The following CUX2 variants were observed in gnomAD, a reference collection of about 807,000 sequenced individuals.
CUX2 encodes the protein homeobox protein cut-like 2.
CUX2 carries 40 observed loss-of-function variants against 144.8 expected under a neutral mutation model. The observed-to-expected ratio is 0.28, with a 90% CI of 0.21 to 0.36. The LOEUF (loss-of-function observed/expected upper bound fraction) is 0.36, where lower values mean the gene tolerates loss of function less well. Among genes scored for constraint, CUX2 ranks in the 10% least tolerant of loss-of-function variants. The pLI, the probability that CUX2 is intolerant of heterozygous loss-of-function variation, is 1.00. For missense variants in CUX2, 1,615 were observed against 1,994.0 expected (o/e 0.81, Z 3.62); for synonymous variants, 827 against 875.6 (o/e 0.94, Z 0.98).
At position 111,160,914 on chromosome 12, in the gene CUX2, G is replaced by T. The variant is rs78481377; in HGVS notation, c.64-53286G>T. On this transcript the variant is annotated intron_variant, in intron 1 of 21. Coordinates refer to ENST00000261726, the MANE Select transcript of CUX2 (RefSeq NM_015267.4). The surrounding 1 kb of genome is among the most constrained non-coding windows in gnomAD (Gnocchi z 4.1). ...CCTGCCATGGGGAAGATGCAGGGAG[G>T]AATAGCGGGAGCAGATGGGACGTGA... is the stretch of plus-strand genomic sequence containing the variant. Among the ~76,000 whole-genome samples the T allele has an allele frequency of 0.012, 1,806 of 152,272 alleles. 13 individuals are homozygous for T. The highest frequency in any genetic ancestry group is 0.018 in the Non-Finnish European group (1,220 of 68,004).
chr12:111,296,244 G>T (rs114549723), intron 7 of CUX2, among the ~76,000 whole-genome samples: 2,591 of 152,122 alleles, frequency 0.017, 51 homozygotes, highest in Middle Eastern at 0.044. Flanking sequence ...CATCTGCCCC[G>T]CACTGCCCAC....
At chr12:111,136,356 G>T (rs1008533930) in intron 1 of CUX2, among the ~76,000 whole-genome samples, 1 of 152,142 alleles carries the variant, frequency 6.6e-6, no homozygotes, top group Non-Finnish European at 1.5e-5. Flanking sequence ...TTCCTGAGAT[G>T]GTGGTGCCTG....
Position 111,277,402 on chromosome 12 carries a change from A to G in CUX2, c.301+13563A>G, listed in dbSNP as rs1884931173. ...CGGTCAGCTGCCATTTCCTTATCTG[A>G]TGCAAGCCGTTTCTCCTGGTATTTC... On this transcript the variant is annotated intron_variant, in intron 4 of 21. Transcript: ENST00000261726. This position sits in a 1 kb window ranked among gnomAD's most constrained non-coding sequence, Gnocchi z 5.0. 6.6e-6 allele frequency among the ~76,000 whole-genome samples: 1 copy of G among 151,876 alleles called. No homozygotes were observed. Among genetic ancestry groups the G allele is most frequent in the Non-Finnish European group, 1.5e-5 (1 of 67,956 alleles).
intron 1 of CUX2, among the ~76,000 whole-genome samples, chr12:111,184,573 CAAAAA>C (rs71445536): frequency 1.4e-3 from 67 of 46,914 alleles, no homozygotes; most frequent in African/African-American, 3.8e-3. Flanking sequence ...TTCTCTCTAC[CAAAAA>C]AAAAAAAAAA....
rs563958869 is a variant in CUX2, at chr12:111,223,307, A to G, written c.222+5370A>G. ...TTCTGAAATAATGTCCAGAAGCCCA[A>G]GGGAGGCCGTCGGTTCCATCCCAGA... On this transcript the variant is annotated intron_variant, in intron 3 of 21. Coordinates refer to ENST00000261726, the MANE Select transcript of CUX2 (RefSeq NM_015267.4). 1.8e-4 allele frequency among the ~76,000 whole-genome samples: 27 copies of G among 152,328 alleles called. No homozygotes were observed. In the South Asian group the frequency reaches 5.0e-3, roughly 28 times the overall value.
chr12:111,085,629 C>T (rs1181577914), intron 1 of CUX2, among the ~76,000 whole-genome samples: 5 of 152,242 alleles, frequency 3.3e-5, no homozygotes, highest in African/African-American at 1.2e-4. Context: ...TGCTCTTCCC[C>T]TGGCTGATTC....
Position 111,310,198 on chromosome 12 carries a change from C to T in CUX2, c.1416C>T (p.Gly472=), listed in dbSNP as rs1259550947. ...TGGGCCCCAGCTTGGGGCCTGACGG[C>T]ACTCGGACTTTCTCGCTGTCCCCCT... ...PLLGPSLGPD[G]TRTFSLSPFP... Residue 472 remains glycine (G), a synonymous_variant, in exon 15 of 22, where the codon GGC becomes GGT. Transcript: ENST00000261726. This position sits in a 1 kb window ranked among gnomAD's most constrained non-coding sequence, Gnocchi z 7.9. 3 of 1,527,394 alleles carry T rather than the reference C, an allele frequency of 2.0e-6. No homozygotes were observed. The African/African-American group carries it at 4.2e-5, about 21-fold the overall frequency. 94.6% of individuals were successfully genotyped at this position (1,527,394 alleles called of 1,614,324 possible).
chr12:111,281,072 C>T (rs148180793), intron 4 of CUX2, among the ~76,000 whole-genome samples: 33 of 152,276 alleles, frequency 2.2e-4, no homozygotes, highest in African/African-American at 6.7e-4. Flanking sequence ...GCCCTCTACA[C>T]GCCACTTTTC....
chr12:111,342,177 A>C, intron 21 of CUX2, 124 bp downstream of exon 21: 1 of 1,152,586 alleles, frequency 8.7e-7, no homozygotes, highest in Non-Finnish European at 1.2e-6. Flanking sequence ...TCACATAGGC[A>C]CTTAGATATA....
intron 1 of CUX2, among the ~76,000 whole-genome samples, chr12:111,131,678 A>G (rs888533163): frequency 3.9e-5 from 6 of 152,238 alleles, no homozygotes; most frequent in Admixed American, 1.3e-4. Context: ...CAAAGGGGTT[A>G]CAGGGCCCAT....
At chr12:111,215,939 A>G (rs1364442261) in intron 2 of CUX2, among the ~76,000 whole-genome samples, 2 of 152,254 alleles carry the variant, frequency 1.3e-5, no homozygotes, top group Non-Finnish European at 2.9e-5. Flanking sequence ...ATTAAGAGGA[A>G]TAAGTTTCCA....
intron 3 of CUX2, among the ~76,000 whole-genome samples, chr12:111,224,516 C>CTTTTTT (rs34109440): frequency 3.9e-5 from 3 of 77,214 alleles, no homozygotes; most frequent in Non-Finnish European, 5.1e-5. Context: ...AATTACAGGG[C>CTTTTTT]TTTTTTTTTT....
rs749389635 is a variant in CUX2, at chr12:111,039,515, C to T, written c.63+5275C>T. On this transcript the variant is annotated intron_variant, in intron 1 of 21. Transcript: ENST00000261726. The surrounding 1 kb of genome is among the most constrained non-coding windows in gnomAD (Gnocchi z 4.2). ...TTATTGTAAAGGTGAAGGATGCTGA[C>T]ACCTTTGTGGGTCACTTAAATGCAT... Among the ~76,000 whole-genome samples the T allele has an allele frequency of 6.6e-6, 1 of 152,170 alleles. No homozygotes were observed.
intron 1 of CUX2, among the ~76,000 whole-genome samples, chr12:111,201,712 G>A (rs1880609764): frequency 6.6e-6 from 1 of 152,204 alleles, no homozygotes; most frequent in African/African-American, 2.4e-5. Flanking sequence ...CTGCATGCCA[G>A]AGAATTTTTC....
chr12:111,111,315 AAGAG>A (rs1555270293), intron 1 of CUX2, among the ~76,000 whole-genome samples: 1 of 151,954 alleles, frequency 6.6e-6, no homozygotes, highest in African/African-American at 2.4e-5. Flanking sequence ...AGAAAAAAAA[AAGAG>A]AGACAATGGC....
At chr12:111,334,785 G>A in intron 19 of CUX2, 75 bp downstream of exon 19, 1 of 1,480,858 alleles carries the variant, frequency 6.8e-7, no homozygotes, top group South Asian at 1.3e-5. Flanking sequence ...AAGGTGTCTG[G>A]AGCTGGGACC....
intron 3 of CUX2, among the ~76,000 whole-genome samples, chr12:111,251,477 T>C (rs1883558407): frequency 6.6e-6 from 1 of 152,198 alleles, no homozygotes; most frequent in Non-Finnish European, 1.5e-5. Context: ...ACACTGTTGC[T>C]AATAGCAGGC....
At chr12:111,234,678 C>A (rs1882644011) in intron 3 of CUX2, among the ~76,000 whole-genome samples, 1 of 151,010 alleles carries the variant, frequency 6.6e-6, no homozygotes, top group South Asian at 2.1e-4. Context: ...CCAGTTTGAA[C>A]ACCGGTGAGG....
At chr12:111,235,511 G>C (rs1217488675) in intron 3 of CUX2, among the ~76,000 whole-genome samples, 1 of 151,806 alleles carries the variant, frequency 6.6e-6, no homozygotes, top group Admixed American at 6.6e-5. Context: ...TCATGAGGTC[G>C]GGAGTTCGAG....
Sources: allele counts gnomAD v4.1 joint callset (sites outside exome capture counted in the v4.1 genomes callset), GRCh38; gene constraint gnomAD v4.1.1; non-coding constraint Gnocchi (gnomAD v3.1); transcripts MANE v1.5; gene names NCBI Gene and HGNC (gene_info 2026-07-23, HGNC 2026-07-21).